The following ANLN variants were observed in gnomAD, a reference collection of about 807,000 sequenced individuals.
ANLN encodes anillin, actin binding protein, also known as anillin.
ANLN carries 59 observed loss-of-function variants against 135.1 expected under a neutral mutation model. The observed-to-expected ratio is 0.44, with a 90% CI of 0.35 to 0.54. The LOEUF is 0.54. Ranked by LOEUF, ANLN falls within the 20% of genes least tolerant of loss-of-function variation. The pLI, the probability that ANLN is intolerant of heterozygous loss-of-function variation, is 0.00. For missense variants in ANLN, 1,182 were observed against 1,340.0 expected (o/e 0.88, Z 1.84); for synonymous variants, 406 against 456.4 (o/e 0.89, Z 1.41).
At chr7:36,431,620 A>G (rs1341231296) in intron 20 of ANLN, among the ~76,000 whole-genome samples, 106 of 105,034 alleles carry the variant, frequency 1.0e-3, no homozygotes, top group East Asian at 8.5e-3. Context: ...TATATATAAT[A>G]TATATATATA....
chr7:36,406,698 T>C, intron 4 of ANLN, 132 bp downstream of exon 4: 1 of 883,416 alleles, frequency 1.1e-6, no homozygotes, highest in Non-Finnish European at 1.6e-6. Context: ...AGTTTATATG[T>C]ATTTGTAAGA....
At position 36,452,435 on chromosome 7, in the gene ANLN, AGGG is replaced by A. The variant is rs774094902; in HGVS notation, c.3252-41_3252-39del. The stretch of plus-strand genomic sequence containing the variant: ...AAGAGTACATGGGGGTATGGAATGG[AGGG>A]AGAAGAATTCTGACCTCTTTGGTTG... On this transcript the variant is annotated intron_variant, in intron 23 of 23. Coordinates refer to ENST00000265748, the MANE Select transcript of ANLN (RefSeq NM_018685.5). The A allele has an allele frequency of 3.1e-6, 5 of 1,612,236 alleles. No homozygotes were observed. In the African/African-American group the frequency reaches 4.0e-5, roughly 13 times the overall value.
In ANLN at chr7:36,424,735, AGTC is replaced by A. The variant is rs1449878899; in HGVS notation, c.2703_2705del (p.Lys901_Ser902delinsAsn). 6.2e-7 allele frequency: 1 copy of A among 1,612,080 alleles called. No homozygotes were observed. The highest frequency in any genetic ancestry group is 1.1e-5 in the South Asian group (1 of 90,712). ...CTTGATAAGAAGAAAAAAACATCCA[AGTC>A]CAAGGTGAGAATTAAAGAAACCCAG... is the stretch of plus-strand genomic sequence containing the variant. On this transcript the variant is annotated inframe_deletion, in exon 17 of 24. Coordinates refer to ENST00000265748, the MANE Select transcript of ANLN (RefSeq NM_018685.5).
rs73330576 is a variant in ANLN, at chr7:36,422,905, G to A, written c.2476+96G>A. 29,422 of 1,197,228 alleles carry A rather than the reference G, an allele frequency of 0.025. 1,015 individuals carry two copies. Among genetic ancestry groups the A allele is most frequent in the African/African-American group, 0.16 (10,086 of 64,788 alleles). The allele number at this position is 1,197,228 out of a possible 1,614,324, so 74.2% of individuals were successfully genotyped here. On this transcript the variant is annotated intron_variant, in intron 14 of 23. Transcript: ENST00000265748. ...AAACAAGTAAATCATGCATAACAAT[G>A]CAAAGTTTGTATCTTTGGCCTTTAG...
At chr7:36,436,102 A>G (rs1257126988) in intron 20 of ANLN, among the ~76,000 whole-genome samples, 1 of 152,148 alleles carries the variant, frequency 6.6e-6, no homozygotes, top group African/African-American at 2.4e-5. Context: ...CTTACTCATT[A>G]AGCAGTCTTT....
At chr7:36,400,522 G>A (rs1786900588) in intron 3 of ANLN, among the ~76,000 whole-genome samples, 1 of 152,072 alleles carries the variant, frequency 6.6e-6, no homozygotes, top group Non-Finnish European at 1.5e-5. Flanking sequence ...ACCATGCCCA[G>A]CTAATTTTTT....
At chr7:36,411,015 A>T in intron 6 of ANLN, 44 bp from the exon 7 acceptor site, 1 of 1,518,964 alleles carries the variant, frequency 6.6e-7, no homozygotes, top group Non-Finnish European at 8.9e-7. Flanking sequence ...GATGTTAAAC[A>T]TGCTACCGGC....
At chr7:36,431,810 T>A (rs1246356988) in intron 20 of ANLN, among the ~76,000 whole-genome samples, 3 of 151,282 alleles carry the variant, frequency 2.0e-5, no homozygotes, top group Admixed American at 6.6e-5. Context: ...AAAACAGGAG[T>A]TAGCCTATCC....
chr7:36,411,216 G>T (rs764373684), intron 7 of ANLN, 50 bp downstream of exon 7: 1 of 1,447,120 alleles, frequency 6.9e-7, no homozygotes, highest in East Asian at 2.4e-5. Flanking sequence ...AAATAGTTGG[G>T]ATCTAATTTG....
intron 21 of ANLN, among the ~76,000 whole-genome samples, chr7:36,441,937 G>A (rs1562820728): frequency 6.6e-6 from 1 of 152,174 alleles, no homozygotes; most frequent in Non-Finnish European, 1.5e-5. Context: ...GCTGCTTTGG[G>A]AGGAAAATGG....
chr7:36,435,945 C>CA (rs1788531829), intron 20 of ANLN, among the ~76,000 whole-genome samples: 1 of 130,692 alleles, frequency 7.7e-6, no homozygotes, highest in Non-Finnish European at 1.6e-5. Flanking sequence ...TCATTGTTTT[C>CA]AAAAAATAAT....
At chr7:36,431,198 A>C (rs887619403) in intron 20 of ANLN, among the ~76,000 whole-genome samples, 1 of 152,160 alleles carries the variant, frequency 6.6e-6, no homozygotes, top group Admixed American at 6.5e-5. Flanking sequence ...TTTTTACAAA[A>C]TAGGATGATG....
intron 18 of ANLN, 63 bp downstream of exon 18, chr7:36,425,803 T>A: frequency 2.6e-6 from 4 of 1,512,638 alleles, no homozygotes; most frequent in Non-Finnish European, 9.1e-7. Context: ...CATACAGTTT[T>A]AAATTGGTTA....
At chr7:36,396,166 C>A in intron 1 of ANLN, 100 bp from the exon 2 acceptor site, 1 of 1,018,950 alleles carries the variant, frequency 9.8e-7, no homozygotes, top group Non-Finnish European at 1.4e-6. Context: ...ATGTGTTTAA[C>A]TGTCATCCTG....
rs768048273 is a variant in ANLN at position 36,449,888 on chromosome 7, CT to C, written c.3251+52del. 2.6e-5 allele frequency: 40 copies of C among 1,551,540 alleles called. No individual in the cohort carries two copies. The East Asian group carries it at 8.3e-4, about 32-fold the overall frequency. On this transcript the variant is annotated intron_variant, in intron 23 of 23. Transcript: ENST00000265748. ...TATCAACTAAGCAATTGATTGCCCA[CT>C]ATGTACTTACCACTATGAGAAATAT...
At chr7:36,392,930 T>C (rs973133043) in intron 1 of ANLN, among the ~76,000 whole-genome samples, 2 of 152,204 alleles carry the variant, frequency 1.3e-5, no homozygotes, top group Non-Finnish European at 2.9e-5. Context: ...CGAATGAATA[T>C]AATTAGGCTA....
At chr7:36,419,783 T>C (rs1423225951) in intron 10 of ANLN, among the ~76,000 whole-genome samples, 1 of 152,216 alleles carries the variant, frequency 6.6e-6, no homozygotes, top group South Asian at 2.1e-4. Flanking sequence ...TTTCCTCTTA[T>C]GTTAAACGAG....
chr7:36,448,692 T>C (rs9639730), intron 22 of ANLN, among the ~76,000 whole-genome samples: 13,676 of 152,310 alleles, frequency 0.09, 710 homozygotes, highest in East Asian at 0.14. Context: ...GACTATTTAA[T>C]GTATCATATT....
chr7:36,428,998 C>T (rs933552429), intron 20 of ANLN, among the ~76,000 whole-genome samples: 9 of 151,792 alleles, frequency 5.9e-5, no homozygotes, highest in East Asian at 1.9e-4. Context: ...AGGCTGGTCT[C>T]GTGCTCCTGA....
Sources: gnomAD v4.1 joint callset for allele counts (sites outside exome capture counted in the v4.1 genomes callset) on GRCh38, gnomAD v4.1.1 for gene constraint, MANE v1.5 for transcripts, NCBI Gene and HGNC (gene_info 2026-07-23, HGNC 2026-07-21) for gene names.